The following A1CF variants were observed in gnomAD, a reference collection of about 807,000 sequenced individuals.
A1CF encodes the protein APOBEC1 complementation factor.
A neutral mutation model predicts 68.9 loss-of-function variants in A1CF; 48 were observed. That is an observed-to-expected ratio of 0.70 (90% CI 0.55 to 0.89). A1CF has a LOEUF of 0.89. Among genes scored for constraint, A1CF ranks in the 40% least tolerant of loss-of-function variants. The pLI is 0.00. For synonymous variants in A1CF, 272 were observed against 260.4 expected, an observed-to-expected ratio of 1.04 and a Z score of -0.43; for missense variants, 653 against 718.9, an observed-to-expected ratio of 0.91 and a Z score of 1.05.
At chr10:50,881,409 G>T (rs538468315) in intron 1 of A1CF, among the ~76,000 whole-genome samples, 77 of 152,148 alleles carry the variant, frequency 5.1e-4, no homozygotes, top group Non-Finnish European at 1.6e-4. Flanking sequence ...CAGTTAATCA[G>T]ATTTGTACAA....
chr10:50,820,649 C>T lies in A1CF; in HGVS notation c.770G>A (p.Gly257Asp), dbSNP rs376447080. ...AATTTTCTTCACCCTCTCCACAGCA[C>T]CTGTAAAATAGAGTGAAGGTTGCCC... ...IEKEFNNIKP[G>D]AVERVKKIRD... The change falls in exon 8 of 13, where the codon GGT becomes GAT. Residue 257 changes from glycine to aspartate, a missense_variant and splice_region_variant. Gly to Asp is a moderately conservative substitution (Grantham distance 94, BLOSUM62 -1). Transcript: ENST00000373997. The T allele has an allele frequency of 8.7e-6, 14 of 1,611,606 alleles. 1 individual carries two copies. The highest frequency in any genetic ancestry group is 1.0e-5 in the Non-Finnish European group (12 of 1,179,006).
intron 7 of A1CF, among the ~76,000 whole-genome samples, chr10:50,825,349 C>T (rs1838868798): frequency 6.6e-6 from 1 of 152,024 alleles, no homozygotes; most frequent in Non-Finnish European, 1.5e-5. Context: ...TTTAAAGACA[C>T]AGTAATCCCA....
chr10:50,832,895 A>G (rs924041015), intron 6 of A1CF, among the ~76,000 whole-genome samples: 1 of 151,816 alleles, frequency 6.6e-6, no homozygotes, highest in African/African-American at 2.4e-5. Flanking sequence ...AGAATCTCTC[A>G]TGTCATTCAG....
chr10:50,862,408 A>G (rs1234296271), intron 2 of A1CF, among the ~76,000 whole-genome samples: 2 of 152,072 alleles, frequency 1.3e-5, no homozygotes, highest in East Asian at 3.9e-4. Context: ...TTAGAACATC[A>G]AAGGAAAAAA....
intron 3 of A1CF, among the ~76,000 whole-genome samples, chr10:50,846,115 A>G (rs979269796): frequency 6.6e-6 from 1 of 152,190 alleles, no homozygotes; most frequent in Admixed American, 6.6e-5. Context: ...TCCAAAATTC[A>G]AAACTTTTCA....
chr10:50,842,030 T>C lies in A1CF; in HGVS notation c.235-38A>G, dbSNP rs768803932. ...GAAATAGAACATTTATATTTATACG[T>C]TTGTACTTCTGAATGTATGTGTGCA... On this transcript the variant is annotated intron_variant, in intron 4 of 12. Coordinates refer to ENST00000373997, the MANE Select transcript of A1CF (RefSeq NM_014576.4). 13 of 1,553,966 alleles carry C rather than the reference T, an allele frequency of 8.4e-6. No individual in the cohort carries two copies. The Admixed American group carries it at 2.2e-4, about 26-fold the overall frequency.
intron 1 of A1CF, among the ~76,000 whole-genome samples, chr10:50,864,288 C>A (rs1387819713): frequency 6.6e-6 from 1 of 152,014 alleles, no homozygotes; most frequent in Non-Finnish European, 1.5e-5. Context: ...GAAGCATTGC[C>A]CTAGGTTTGC....
chr10:50,852,796 A>G (rs768944898), intron 3 of A1CF, among the ~76,000 whole-genome samples: 3 of 152,154 alleles, frequency 2.0e-5, no homozygotes, highest in African/African-American at 7.2e-5. Context: ...GATGAAGCCA[A>G]TTAGTAAACC....
At chr10:50,869,436 A>T (rs1293569915) in intron 1 of A1CF, among the ~76,000 whole-genome samples, 1 of 152,114 alleles carries the variant, frequency 6.6e-6, no homozygotes, top group Non-Finnish European at 1.5e-5. Context: ...GAAAAATTCA[A>T]TTTCGAATGC....
chr10:50,881,413 T>G (rs1173630421), intron 1 of A1CF, among the ~76,000 whole-genome samples: 1 of 152,234 alleles, frequency 6.6e-6, no homozygotes, highest in African/African-American at 2.4e-5. Flanking sequence ...TAATCAGATT[T>G]GTACAATTGG....
chr10:50,852,230 A>G (rs554479690), intron 3 of A1CF, among the ~76,000 whole-genome samples: 1 of 152,332 alleles, frequency 6.6e-6, no homozygotes, highest in African/African-American at 2.4e-5. Context: ...CAAACACTTC[A>G]TATATAGTCA....
chr10:50,820,506 C>A (rs771123549), intron 8 of A1CF, 46 bp downstream of exon 8: 1 of 1,563,628 alleles, frequency 6.4e-7, no homozygotes, highest in Non-Finnish European at 8.8e-7. Context: ...ATATCCACAC[C>A]AAACTTGGAT....
chr10:50,860,031 T>A, intron 2 of A1CF, 46 bp from the exon 3 acceptor site: 1 of 936,204 alleles, frequency 1.1e-6, no homozygotes, highest in Non-Finnish European at 1.7e-6. Flanking sequence ...TGTTGTCAAG[T>A]CCAAACTTCT....
intron 1 of A1CF, among the ~76,000 whole-genome samples, chr10:50,864,924 C>T (rs1840916083): frequency 2.0e-5 from 3 of 152,062 alleles, no homozygotes; most frequent in Non-Finnish European, 4.4e-5. Context: ...GGCCAATCCT[C>T]CCGGCAGGTC....
chr10:50,811,604 A>C (rs1029380501), intron 10 of A1CF, among the ~76,000 whole-genome samples: 1 of 152,194 alleles, frequency 6.6e-6, no homozygotes, highest in African/African-American at 2.4e-5. Flanking sequence ...TTATTTCGTG[A>C]CATTTGTCAT....
chr10:50,852,341 G>A (rs10994720), intron 3 of A1CF, among the ~76,000 whole-genome samples: 31,717 of 152,122 alleles, frequency 0.21, 3,513 homozygotes, highest in Middle Eastern at 0.29. Flanking sequence ...TCCCACAAAT[G>A]TTGGGCACAC....
rs140529197 is a variant in A1CF, at chr10:50,806,798, T to A, written c.1692A>T (p.Ala564=). The change falls in exon 13 of 13, where the codon GCA becomes GCT. Residue 564 remains alanine (A), a synonymous_variant. Transcript: ENST00000373997. Reference sequence around the variant, plus strand: ...TTGGGTAGACCTCATAGGTTGTATATGCTGCTAAGTCTTGTCCAAGGGTTA... The same window carrying A: ...TTGGGTAGACCTCATAGGTTGTATAAGCTGCTAAGTCTTGTCCAAGGGTTA... ...QAVTLGQDLA[A]YTTYEVYPTF... is the part of the protein sequence containing the mutation. 8 of 1,613,612 alleles carry A rather than the reference T, an allele frequency of 5.0e-6. No homozygotes were observed. In the African/African-American group the frequency reaches 1.1e-4, roughly 22 times the overall value.
chr10:50,836,350 T>A, intron 5 of A1CF, 38 bp from the exon 6 acceptor site: 2 of 1,584,596 alleles, frequency 1.3e-6, no homozygotes, highest in Non-Finnish European at 1.7e-6. Flanking sequence ...ATGAGAATCC[T>A]TGTAGGATTC....
intron 3 of A1CF, among the ~76,000 whole-genome samples, chr10:50,849,584 G>C (rs769475464): frequency 4.6e-5 from 7 of 152,080 alleles, no homozygotes; most frequent in Non-Finnish European, 8.8e-5. Context: ...TCATCATATA[G>C]CCTAGTGTTT....
Sources: gnomAD v4.1 joint callset for allele counts (sites outside exome capture counted in the v4.1 genomes callset) on GRCh38, gnomAD v4.1.1 for gene constraint, MANE v1.5 for transcripts, NCBI Gene and HGNC (gene_info 2026-07-23, HGNC 2026-07-21) for gene names.